The following FBXO10 variants were observed in gnomAD, a reference collection of about 807,000 sequenced individuals.
The protein encoded by FBXO10 is F-box only protein 10.
In FBXO10, 39 loss-of-function variants were observed where a neutral mutation model predicts 80.7. That is an observed-to-expected ratio of 0.48 (90% CI 0.37 to 0.63). The LOEUF is 0.63. FBXO10 is among the 30% of genes least tolerant of loss of function. The pLI is 0.00. For synonymous variants in FBXO10, 449 were observed against 489.6 expected (o/e 0.92, Z 1.09); for missense variants, 1,025 against 1,269.0 (o/e 0.81, Z 2.92).
chr9:37,550,575 G>A (rs540006017), intron 1 of FBXO10, among the ~76,000 whole-genome samples: 1 of 151,314 alleles, frequency 6.6e-6, no homozygotes, highest in South Asian at 2.1e-4. Context: ...CAGCCTCCCA[G>A]GTTCAAGCGA....
intron 1 of FBXO10, among the ~76,000 whole-genome samples, chr9:37,574,628 T>C (rs561044591): frequency 1.4e-4 from 22 of 152,332 alleles, no homozygotes; most frequent in Admixed American, 1.3e-3. Context: ...GCTCTGGAAC[T>C]GGTGTGAGGG....
At position 37,541,625 on chromosome 9, in the gene FBXO10, C is replaced by G. The variant is rs954336150; in HGVS notation, c.144G>C (p.Leu48=). 1.2e-6 allele frequency: 2 copies of G among 1,613,794 alleles called. No individual in the cohort carries two copies. Among genetic ancestry groups the G allele is most frequent in the Admixed American group, 1.7e-5 (1 of 59,998 alleles). ...GGCGGCACTCGGTGCAACCCAGACA[C>G]AGCTGCCGCCAGCGGGTGCTGTCGA... ...LSLDSTRWRQ[L]CLGCTECRHP... The change falls in exon 2 of 11, where the codon CTG becomes CTC. Residue 48 remains leucine (L), a synonymous_variant. Coordinates refer to ENST00000432825, the MANE Select transcript of FBXO10 (RefSeq NM_012166.3).
intron 5 of FBXO10, among the ~76,000 whole-genome samples, chr9:37,527,004 C>A (rs891850281): frequency 1.3e-5 from 2 of 152,006 alleles, no homozygotes; most frequent in Non-Finnish European, 2.9e-5. Flanking sequence ...GCACCTGCCA[C>A]CATACCTGGC....
chr9:37,573,036 G>T (rs1390366467), intron 1 of FBXO10, among the ~76,000 whole-genome samples: 5 of 152,142 alleles, frequency 3.3e-5, no homozygotes, highest in Non-Finnish European at 7.3e-5. Flanking sequence ...TTTACATATG[G>T]AAAAGTAAGG....
intron 1 of FBXO10, among the ~76,000 whole-genome samples, chr9:37,554,305 A>T (rs1199069456): frequency 4.6e-5 from 7 of 152,206 alleles, no homozygotes; most frequent in Non-Finnish European, 8.8e-5. Context: ...CAAAAATGTT[A>T]TATAAGTGGA....
intron 1 of FBXO10, among the ~76,000 whole-genome samples, chr9:37,552,483 A>G (rs1822221086): frequency 6.6e-6 from 1 of 152,106 alleles, no homozygotes; most frequent in Non-Finnish European, 1.5e-5. Flanking sequence ...GGAGATCGAG[A>G]CCATCCTGGC....
intron 1 of FBXO10, among the ~76,000 whole-genome samples, chr9:37,565,940 G>C (rs866096248): frequency 1.3e-5 from 2 of 152,164 alleles, no homozygotes; most frequent in Non-Finnish European, 2.9e-5. Context: ...GGACATGTTG[G>C]GAGGTTCAGT....
rs1036986766 is a variant in FBXO10, at chr9:37,546,363, G to C, written c.-6-4589C>G. On this transcript the variant is annotated intron_variant, in intron 1 of 10. Coordinates refer to ENST00000432825, the MANE Select transcript of FBXO10 (RefSeq NM_012166.3). ...CCAGAATAAAGTGAATAGCACAGAG[G>C]GGGTGGGGAGGAGGGGCAGTTCCTA... Among the ~76,000 whole-genome samples the C allele has an allele frequency of 3.9e-5, 6 of 152,070 alleles. 1 individual carries two copies. The South Asian group carries it at 6.2e-4, about 16-fold the overall frequency.
chr9:37,568,881 A>G (rs1307338076), intron 1 of FBXO10, among the ~76,000 whole-genome samples: 1 of 152,208 alleles, frequency 6.6e-6, no homozygotes, highest in Non-Finnish European at 1.5e-5. Flanking sequence ...AAAGTGTATA[A>G]CATCCACATT....
At chr9:37,558,958 G>A (rs550575682) in intron 1 of FBXO10, among the ~76,000 whole-genome samples, 51 of 151,976 alleles carry the variant, frequency 3.4e-4, no homozygotes, top group African/African-American at 1.2e-3. Flanking sequence ...TTACAGACGC[G>A]CACCACCACG....
At chr9:37,515,735 C>T in intron 10 of FBXO10, 169 bp downstream of exon 10, 1 of 681,602 alleles carries the variant, frequency 1.5e-6, no homozygotes. Flanking sequence ...GGGGAGTCCT[C>T]AGCCCGGGCC....
chr9:37,570,454 A>C (rs1244982815), intron 1 of FBXO10, among the ~76,000 whole-genome samples: 1 of 152,232 alleles, frequency 6.6e-6, no homozygotes, highest in Non-Finnish European at 1.5e-5. Context: ...GAAACTAAAC[A>C]TCAATTTCAA....
intron 5 of FBXO10, among the ~76,000 whole-genome samples, chr9:37,525,948 G>A (rs771836339): frequency 1.1e-4 from 17 of 152,016 alleles, no homozygotes; most frequent in Admixed American, 2.6e-4. Context: ...TCAACCTCTT[G>A]CACTCAAGTG....
intron 1 of FBXO10, among the ~76,000 whole-genome samples, chr9:37,561,792 G>C (rs965977896): frequency 2.6e-5 from 4 of 152,166 alleles, no homozygotes; most frequent in African/African-American, 9.7e-5. Flanking sequence ...GCTATGAAGA[G>C]AAATAAAGCA....
intron 3 of FBXO10, among the ~76,000 whole-genome samples, chr9:37,536,557 T>C (rs1342262276): frequency 6.6e-6 from 1 of 152,148 alleles, no homozygotes; most frequent in African/African-American, 2.4e-5. Context: ...CCCAGCTTCA[T>C]CCTTCAACCT....
intron 3 of FBXO10, among the ~76,000 whole-genome samples, chr9:37,535,148 T>C (rs1214298904): frequency 1.3e-5 from 2 of 152,052 alleles, no homozygotes; most frequent in South Asian, 2.1e-4. Flanking sequence ...ACGCTGAGGA[T>C]AATCCTATCA....
intron 2 of FBXO10, among the ~76,000 whole-genome samples, chr9:37,539,892 G>A (rs1821868799): frequency 6.6e-6 from 1 of 152,158 alleles, no homozygotes; most frequent in African/African-American, 2.4e-5. Context: ...AATGTTTGCT[G>A]TGGGGGTCCA....
intron 3 of FBXO10, chr9:37,535,876 G>A (rs1182198671): frequency 6.6e-6 from 1 of 152,242 alleles, no homozygotes; most frequent in Non-Finnish European, 1.5e-5. Context: ...TTAAGGGGCA[G>A]AGCCAGACTT....
Position 37,512,662 on chromosome 9 carries a change from C to T in FBXO10, c.2756G>A (p.Arg919Lys). Residue 919 changes from arginine to lysine, a missense_variant, in exon 11 of 11, where the codon AGA (arginine) becomes AAA (lysine). Transcript: ENST00000432825. ...CCCATTGTGGGCTGCCGAGGGACGTCTGAGAGAATTTTCAAGGTGGGGCCG... is the reference window on the plus strand; with the variant it reads ...CCCATTGTGGGCTGCCGAGGGACGTTTGAGAGAATTTTCAAGGTGGGGCCG... ...PARPHLENSLRRPSAAHNGQK... is the reference protein window; with the variant it reads ...PARPHLENSLKRPSAAHNGQK... The T allele has an allele frequency of 6.2e-7, 1 of 1,614,008 alleles. No individual in the cohort carries two copies. The highest frequency in any genetic ancestry group is 8.5e-7 in the Non-Finnish European group (1 of 1,179,892).
Sources: allele counts gnomAD v4.1 joint callset (sites outside exome capture counted in the v4.1 genomes callset), GRCh38; gene constraint gnomAD v4.1.1; transcripts MANE v1.5; gene names NCBI Gene and HGNC (gene_info 2026-07-23, HGNC 2026-07-21).